The following CALN1 variants were observed in gnomAD, a reference collection of about 807,000 sequenced individuals.
CALN1 encodes the protein calcium-binding protein 8.
A neutral mutation model predicts 30.6 loss-of-function variants in CALN1; 17 were observed. The ratio of observed to expected loss-of-function variants is 0.56; its 90% CI spans 0.38 to 0.83. The LOEUF (loss-of-function observed/expected upper bound fraction) is 0.83, where lower values mean the gene tolerates loss of function less well. Among genes scored for constraint, CALN1 ranks in the 40% least tolerant of loss-of-function variants. The probability of loss-of-function intolerance (pLI) is 0.00; values close to 1 mark genes in which losing one functional copy is unlikely to be tolerated. For missense variants in CALN1, 291 were observed against 354.9 expected (o/e 0.82, Z 1.45); for synonymous variants, 156 against 131.4 (o/e 1.19, Z -1.28).
At chr7:72,084,460 G>C (rs1485188391) in intron 4 of CALN1, among the ~76,000 whole-genome samples, 7 of 150,560 alleles carry the variant, frequency 4.6e-5, no homozygotes, top group African/African-American at 1.7e-4. Flanking sequence ...CCGGGTTCAA[G>C]CAATTCTCCT....
intron 5 of CALN1, among the ~76,000 whole-genome samples, chr7:71,917,570 T>A (rs765667992): frequency 6.6e-6 from 1 of 152,150 alleles, no homozygotes; most frequent in African/African-American, 2.4e-5. Context: ...TGACTCACAG[T>A]TCTGCATGGC....
chr7:72,336,010 AC>A (rs1342869409), intron 2 of CALN1, among the ~76,000 whole-genome samples: 2 of 151,758 alleles, frequency 1.3e-5, no homozygotes, highest in African/African-American at 4.8e-5. Flanking sequence ...GACGGATCCC[AC>A]CCCCACCTGG....
chr7:72,184,225 A>G lies in CALN1; in HGVS notation c.245-77931T>C, dbSNP rs544179385. Among the ~76,000 whole-genome samples, 11 of 152,256 alleles carry G rather than the reference A, an allele frequency of 7.2e-5. No individual in the cohort carries two copies. The East Asian group carries it at 1.5e-3, about 21-fold the overall frequency. The stretch of plus-strand genomic sequence containing the variant: ...CGAATACGTTGACATATCTGGAGCC[A>G]TTATCTTTTACGTCATTTATTGACT... On this transcript the variant is annotated intron_variant, in intron 3 of 6. Transcript: ENST00000395275.
chr7:72,209,764 C>T (rs116041492), intron 3 of CALN1, among the ~76,000 whole-genome samples: 58 of 152,148 alleles, frequency 3.8e-4, no homozygotes, highest in African/African-American at 1.2e-3. Context: ...CTTGTCTATT[C>T]GGGGCATTTC....
intron 2 of CALN1, among the ~76,000 whole-genome samples, chr7:72,332,259 G>A (rs1157121621): frequency 6.6e-6 from 1 of 152,158 alleles, no homozygotes; most frequent in Non-Finnish European, 1.5e-5. Context: ...AAGCAGTGCT[G>A]CAGTCATATT....
intron 5 of CALN1, among the ~76,000 whole-genome samples, chr7:71,856,609 T>C (rs1169498684): frequency 6.6e-6 from 1 of 152,204 alleles, no homozygotes; most frequent in African/African-American, 2.4e-5. Flanking sequence ...TTTTCCACTG[T>C]TCTGTATTTT....
In CALN1 at chr7:72,346,807, G is replaced by A. The variant is rs111681152; in HGVS notation, c.119+56444C>T. 9.3e-3 allele frequency among the ~76,000 whole-genome samples: 1,417 copies of A among 152,188 alleles called. 21 individuals carry two copies. Among genetic ancestry groups the A allele is most frequent in the African/African-American group, 0.032 (1,335 of 41,516 alleles). Reference sequence around the variant, plus strand: ...TGGGATTACAGGTGTGAGCTGCAGCGCCCGGCCAAAATTTGTTTATTTTTA... The same window carrying A: ...TGGGATTACAGGTGTGAGCTGCAGCACCCGGCCAAAATTTGTTTATTTTTA... On this transcript the variant is annotated intron_variant, in intron 2 of 6. Coordinates refer to ENST00000395275, the MANE Select transcript of CALN1 (RefSeq NM_031468.4).
chr7:71,822,118 C>CT (rs1788630052), intron 5 of CALN1, among the ~76,000 whole-genome samples: 1 of 152,076 alleles, frequency 6.6e-6, no homozygotes, highest in East Asian at 1.9e-4. Flanking sequence ...AGATATGTCT[C>CT]TTACAAGGAG....
intron 3 of CALN1, among the ~76,000 whole-genome samples, chr7:72,182,471 C>A (rs574538475): frequency 6.6e-6 from 1 of 152,034 alleles, no homozygotes; most frequent in Non-Finnish European, 1.5e-5. Flanking sequence ...TATAATCCAA[C>A]CACTTTAGGA....
chr7:71,806,498 G>A (rs920256421), intron 6 of CALN1, among the ~76,000 whole-genome samples: 1 of 152,026 alleles, frequency 6.6e-6, no homozygotes, highest in East Asian at 1.9e-4. Context: ...GTAGAGACGG[G>A]GTTTCATCAT....
chr7:72,399,054 GTAGAA>G (rs1460087701), intron 2 of CALN1, among the ~76,000 whole-genome samples: 1 of 152,100 alleles, frequency 6.6e-6, no homozygotes, highest in African/African-American at 2.4e-5. Flanking sequence ...AGAAAAAGGA[GTAGAA>G]GAGAAGGAGG....
At chr7:71,805,830 G>A (rs1285477184) in intron 6 of CALN1, among the ~76,000 whole-genome samples, 1 of 152,084 alleles carries the variant, frequency 6.6e-6, no homozygotes, top group East Asian at 1.9e-4. Context: ...CTAGATCTTT[G>A]AGGAATTGCC....
chr7:71,913,241 A>G (rs1292945902), intron 5 of CALN1, among the ~76,000 whole-genome samples: 1 of 152,162 alleles, frequency 6.6e-6, no homozygotes, highest in Admixed American at 6.5e-5. Context: ...GGCCTTCATC[A>G]ATTTCCAAAT....
At chr7:72,167,041 AAAAAAGAAAAAG>A (rs567957996) in intron 3 of CALN1, among the ~76,000 whole-genome samples, 2 of 152,230 alleles carry the variant, frequency 1.3e-5, no homozygotes, top group Non-Finnish European at 2.9e-5. Context: ...CTCAAGGAAA[AAAAAAGAAAAAG>A]AAAAAGAAAA....
chr7:72,423,925 AAAAG>A (rs1412242246), intron 1 of CALN1, among the ~76,000 whole-genome samples: 7 of 140,064 alleles, frequency 5.0e-5, no homozygotes, highest in East Asian at 2.2e-4. Flanking sequence ...CAGAAAGAGA[AAAAG>A]AAAGAAGAGA....
At chr7:72,432,591 C>A (rs1808011571) in intron 1 of CALN1, among the ~76,000 whole-genome samples, 1 of 152,202 alleles carries the variant, frequency 6.6e-6, no homozygotes, top group Non-Finnish European at 1.5e-5. Context: ...CTGGCTCCAT[C>A]CTTGCCTTCC....
At chr7:72,350,866 T>C (rs866075869) in intron 2 of CALN1, among the ~76,000 whole-genome samples, 53 of 152,192 alleles carry the variant, frequency 3.5e-4, no homozygotes, top group African/African-American at 1.2e-3. Flanking sequence ...GATGGCTGGG[T>C]GAGGTGGCTC....
chr7:72,395,877 C>T (rs1431788426), intron 2 of CALN1, among the ~76,000 whole-genome samples: 1 of 152,072 alleles, frequency 6.6e-6, no homozygotes, highest in African/African-American at 2.4e-5. Context: ...AGGGAAGGAG[C>T]CCAGTGATCA....
At position 72,408,270 on chromosome 7, in the gene CALN1, TAAAAAAA is replaced by T. The variant is rs34402288; in HGVS notation, c.-74+3781_-74+3787del. ...CAACATGGTGAAACCCCATCTCTAT[TAAAAAAA>T]AAAAAAAAAAAAAATTAGTAGTGCG... On this transcript the variant is annotated intron_variant, in intron 1 of 6. Coordinates refer to ENST00000395275, the MANE Select transcript of CALN1 (RefSeq NM_031468.4). Among the ~76,000 whole-genome samples, 406 of 129,448 alleles carry T rather than the reference TAAAAAAA, an allele frequency of 3.1e-3. 2 individuals are homozygous for T. Among genetic ancestry groups the T allele is most frequent in the African/African-American group, 0.012 (396 of 34,188 alleles). 84.9% of individuals were successfully genotyped at this position (129,448 alleles called of 152,430 possible).
Sources: allele counts gnomAD v4.1 joint callset (sites outside exome capture counted in the v4.1 genomes callset), GRCh38; gene constraint gnomAD v4.1.1; transcripts MANE v1.5; gene names NCBI Gene and HGNC (gene_info 2026-07-23, HGNC 2026-07-21).